Variants in RBMS3 observed in about 807,000 individuals in gnomAD.
The protein encoded by RBMS3 is RNA-binding motif, single-stranded-interacting protein 3.
In RBMS3, 27 loss-of-function variants were observed where a neutral mutation model predicts 66.8. The ratio of observed to expected loss-of-function variants is 0.40; its 90% CI spans 0.30 to 0.56. The LOEUF is 0.56. Ranked by LOEUF, RBMS3 falls within the 20% of genes least tolerant of loss-of-function variation. RBMS3 has a pLI of 0.40. For synonymous variants in RBMS3, 188 were observed against 183.0 expected (o/e 1.03, Z -0.22); for missense variants, 513 against 549.5 (o/e 0.93, Z 0.66).
intron 3 of RBMS3, among the ~76,000 whole-genome samples, chr3:29,516,301 G>A (rs899292312): frequency 8.5e-5 from 13 of 152,170 alleles, no homozygotes; most frequent in Admixed American, 5.9e-4. Context: ...GAAAAATTTG[G>A]TAAGTTGATA....
intron 1 of RBMS3, among the ~76,000 whole-genome samples, chr3:29,376,956 G>A (rs940335050): frequency 1.3e-5 from 2 of 152,036 alleles, no homozygotes; most frequent in Non-Finnish European, 2.9e-5. Context: ...GGACGTGGTG[G>A]CGGATGCCTG....
chr3:29,346,000 T>C (rs1376284711), intron 1 of RBMS3, among the ~76,000 whole-genome samples: 1 of 152,204 alleles, frequency 6.6e-6, no homozygotes, highest in Non-Finnish European at 1.5e-5. Flanking sequence ...AAACTATGAT[T>C]ATTGTTATGT....
At chr3:29,734,594 ATCAC>A (rs1417363762) in intron 4 of RBMS3, among the ~76,000 whole-genome samples, 1 of 152,132 alleles carries the variant, frequency 6.6e-6, no homozygotes, top group Non-Finnish European at 1.5e-5. Flanking sequence ...GCAAGAACTA[ATCAC>A]TCACTGAGAC....
intron 14 of RBMS3, among the ~76,000 whole-genome samples, chr3:30,002,205 A>C (rs929359595): frequency 2.6e-5 from 4 of 152,046 alleles, no homozygotes; most frequent in Non-Finnish European, 1.5e-5. Flanking sequence ...TGCTTTTGAG[A>C]CCAGTGAATA....
chr3:29,468,714 T>C (rs1002858260), intron 2 of RBMS3, among the ~76,000 whole-genome samples: 2 of 152,172 alleles, frequency 1.3e-5, no homozygotes, highest in Non-Finnish European at 2.9e-5. Flanking sequence ...TTCCTTTTTC[T>C]TTTTTCTTTT....
intron 3 of RBMS3, among the ~76,000 whole-genome samples, chr3:29,511,811 G>GA (rs139722441): frequency 0.03 from 4,551 of 151,922 alleles, 208 homozygotes; most frequent in African/African-American, 0.1. Flanking sequence ...TGTGTCTTGG[G>GA]AAAAAAATGA....
At chr3:29,900,750 A>G (rs1031406386) in intron 10 of RBMS3, among the ~76,000 whole-genome samples, 2 of 151,844 alleles carry the variant, frequency 1.3e-5, no homozygotes, top group East Asian at 3.9e-4. Context: ...AATGTAAAAA[A>G]GTATACATGC....
At chr3:29,783,022 A>G (rs1403953645) in intron 6 of RBMS3, among the ~76,000 whole-genome samples, 1 of 152,178 alleles carries the variant, frequency 6.6e-6, no homozygotes, top group African/African-American at 2.4e-5. Flanking sequence ...AGCCTTTCAG[A>G]AGTTTGGGAC....
chr3:29,850,652 A>C (rs1301696540), intron 6 of RBMS3, among the ~76,000 whole-genome samples: 2 of 152,156 alleles, frequency 1.3e-5, no homozygotes, highest in Non-Finnish European at 2.9e-5. Context: ...CTCCTCCAAC[A>C]TCCTCTTTTA....
chr3:29,484,798 A>T (rs919301793), intron 2 of RBMS3, among the ~76,000 whole-genome samples: 9 of 152,200 alleles, frequency 5.9e-5, no homozygotes, highest in Non-Finnish European at 1.2e-4. Flanking sequence ...TGAATGAGCC[A>T]TCTAGAAGTA....
intron 10 of RBMS3, among the ~76,000 whole-genome samples, chr3:29,908,677 C>T (rs1212272427): frequency 1.3e-5 from 2 of 151,910 alleles, no homozygotes; most frequent in African/African-American, 4.8e-5. Flanking sequence ...ATTGACTCCT[C>T]GTCTTATAAC....
chr3:29,690,142 TTG>T (rs1468285544), intron 4 of RBMS3, among the ~76,000 whole-genome samples: 4 of 151,764 alleles, frequency 2.6e-5, no homozygotes, highest in Non-Finnish European at 5.9e-5. Context: ...ATAGAGATTT[TTG>T]AGAGAAAGTA....
chr3:29,798,012 T>C (rs989530236), intron 6 of RBMS3, among the ~76,000 whole-genome samples: 3 of 151,806 alleles, frequency 2.0e-5, no homozygotes, highest in Non-Finnish European at 4.4e-5. Flanking sequence ...CAGGAAATGG[T>C]GAGGCCTGAG....
At chr3:29,407,871 A>G (rs1319566817) in intron 1 of RBMS3, among the ~76,000 whole-genome samples, 1 of 152,216 alleles carries the variant, frequency 6.6e-6, no homozygotes, top group Non-Finnish European at 1.5e-5. Context: ...TAGAATTCAC[A>G]CTATTAATGA....
chr3:29,465,493 T>C (rs2042511242), intron 2 of RBMS3, among the ~76,000 whole-genome samples: 2 of 151,952 alleles, frequency 1.3e-5, no homozygotes, highest in Admixed American at 1.3e-4. Context: ...ATTTATCTTT[T>C]AAAGAAGGCT....
chr3:29,365,007 G>A (rs6549932), intron 1 of RBMS3, among the ~76,000 whole-genome samples: 89,887 of 151,882 alleles, frequency 0.59, 27,759 homozygotes, highest in Non-Finnish European at 0.69. Context: ...ATAAGACCTA[G>A]TTAATGAAAA....
chr3:29,546,383 TCA>T (rs1235878135), intron 3 of RBMS3, among the ~76,000 whole-genome samples: 2 of 152,122 alleles, frequency 1.3e-5, no homozygotes, highest in East Asian at 3.9e-4. Flanking sequence ...AACATTTTCC[TCA>T]ACTGCCTCAC....
rs117917864 is a variant in RBMS3, at chr3:29,839,750, T to G, written c.638-29108T>G. ...TGATAATAGTCATTGGTCTCAGCAG[T>G]AGAGATACAGATTTCTTCTTTGTGT... On this transcript the variant is annotated intron_variant, in intron 6 of 14. Transcript: ENST00000383767. Among the ~76,000 whole-genome samples, 11 of 151,972 alleles carry G rather than the reference T, an allele frequency of 7.2e-5. No individual in the cohort carries two copies. The East Asian group carries it at 2.1e-3, about 29-fold the overall frequency.
intron 3 of RBMS3, among the ~76,000 whole-genome samples, chr3:29,570,848 G>A (rs1305143352): frequency 1.3e-5 from 2 of 152,056 alleles, no homozygotes; most frequent in African/African-American, 4.8e-5. Flanking sequence ...ACTCAGCAAT[G>A]GTATTTCTGT....
Sources: gnomAD v4.1 joint callset for allele counts (sites outside exome capture counted in the v4.1 genomes callset) on GRCh38, gnomAD v4.1.1 for gene constraint, MANE v1.5 for transcripts, NCBI Gene and HGNC (gene_info 2026-07-23, HGNC 2026-07-21) for gene names.